Variants in MTA3 observed in about 807,000 individuals in gnomAD.
MTA3 encodes metastasis-associated protein MTA3.
Under a neutral mutation model 83.5 loss-of-function variants are expected in MTA3, and 34 were observed. The ratio of observed to expected loss-of-function variants is 0.41; its 90% CI spans 0.31 to 0.54. MTA3 has a LOEUF of 0.54. Among genes scored for constraint, MTA3 ranks in the 20% least tolerant of loss-of-function variants. The pLI, the probability that MTA3 is intolerant of heterozygous loss-of-function variation, is 0.33. For synonymous variants in MTA3, 303 were observed against 252.7 expected, an observed-to-expected ratio of 1.20 and a Z score of -1.89; for missense variants, 761 against 726.4, an observed-to-expected ratio of 1.05 and a Z score of -0.55.
At chr2:42,736,338 C>G (rs991935573) in intron 16 of MTA3, among the ~76,000 whole-genome samples, 1 of 152,180 alleles carries the variant, frequency 6.6e-6, no homozygotes, top group African/African-American at 2.4e-5. Flanking sequence ...GATGATGACA[C>G]AAGCACCCCT....
intron 2 of MTA3, among the ~76,000 whole-genome samples, chr2:42,531,492 G>C (rs1284680529): frequency 2.7e-5 from 3 of 110,544 alleles, no homozygotes; most frequent in South Asian, 3.0e-4. Flanking sequence ...TTGCTCTATC[G>C]CCCAGGCTAG....
At chr2:42,659,741 A>T in intron 7 of MTA3, 22 bp from the exon 8 acceptor site, 1 of 1,483,152 alleles carries the variant, frequency 6.7e-7, no homozygotes, top group Non-Finnish European at 9.0e-7. Flanking sequence ...ATTCTTCCTT[A>T]TTGTGTTTGT....
intron 9 of MTA3, among the ~76,000 whole-genome samples, chr2:42,690,856 T>TTTTATTTTATTTA (rs1553385669): frequency 7.3e-6 from 1 of 136,112 alleles, no homozygotes; most frequent in Non-Finnish European, 1.6e-5. Context: ...TGTATTTTTA[T>TTTTATTTTATTTA]TTTATTTATT....
chr2:42,662,201 A>T (rs1689786650), intron 8 of MTA3, among the ~76,000 whole-genome samples: 2 of 152,066 alleles, frequency 1.3e-5, no homozygotes, highest in Admixed American at 1.3e-4. Context: ...GTTACCAGGG[A>T]ACATCTGGAG....
chr2:42,595,191 G>C (rs1207150117), intron 3 of MTA3, among the ~76,000 whole-genome samples: 1 of 136,350 alleles, frequency 7.3e-6, no homozygotes, highest in Non-Finnish European at 1.5e-5. Flanking sequence ...CTCACTGCAA[G>C]CTCCACTTCC....
intron 2 of MTA3, among the ~76,000 whole-genome samples, chr2:42,578,721 G>A (rs991645439): frequency 3.3e-5 from 5 of 152,108 alleles, no homozygotes; most frequent in African/African-American, 1.2e-4. Context: ...AATTATTTCC[G>A]TCAGTTGTGG....
intron 3 of MTA3, among the ~76,000 whole-genome samples, chr2:42,597,286 A>C (rs1433860857): frequency 6.6e-6 from 1 of 151,884 alleles, no homozygotes; most frequent in Non-Finnish European, 1.5e-5. Flanking sequence ...GCTGGTCTCA[A>C]AGTACTGGTT....
intron 6 of MTA3, among the ~76,000 whole-genome samples, chr2:42,646,847 TTG>T (rs1370819702): frequency 6.6e-6 from 1 of 151,792 alleles, no homozygotes; most frequent in East Asian, 1.9e-4. Context: ...TTTGAGAGGG[TTG>T]TCTCTGTTTT....
At chr2:42,617,794 A>T (rs1685082193) in intron 4 of MTA3, among the ~76,000 whole-genome samples, 1 of 151,838 alleles carries the variant, frequency 6.6e-6, no homozygotes, top group Non-Finnish European at 1.5e-5. Flanking sequence ...TAAAAAAAAA[A>T]ATGCGTAAAA....
intron 16 of MTA3, among the ~76,000 whole-genome samples, chr2:42,733,244 A>G (rs1015339462): frequency 6.6e-6 from 1 of 152,232 alleles, no homozygotes; most frequent in Non-Finnish European, 1.5e-5. Context: ...CCTCAGAATC[A>G]TGGCAGGAGG....
chr2:42,540,969 A>C (rs1572950547), intron 2 of MTA3, among the ~76,000 whole-genome samples: 1 of 152,178 alleles, frequency 6.6e-6, no homozygotes, highest in South Asian at 2.1e-4. Context: ...GGTTCAACTT[A>C]AGATTTTTCG....
intron 6 of MTA3, among the ~76,000 whole-genome samples, chr2:42,644,843 C>G (rs764932046): frequency 6.6e-6 from 1 of 152,154 alleles, no homozygotes; most frequent in Non-Finnish European, 1.5e-5. Context: ...GCTGTGTGTT[C>G]TGAGTGCTCC....
intron 16 of MTA3, among the ~76,000 whole-genome samples, chr2:42,726,822 C>A (rs1360323937): frequency 1.3e-5 from 2 of 152,156 alleles, no homozygotes; most frequent in Non-Finnish European, 2.9e-5. Flanking sequence ...TCTGTATGCT[C>A]TATTAAGGAA....
chr2:42,709,328 A>C lies in MTA3; in HGVS notation c.1525+232A>C, dbSNP rs1368170400. Reference sequence around the variant, plus strand: ...ACTTCTGTACTCTTTACCAGAGAGTAGTGCTTAGCAAAAGATTGGTGGGAG... The same window carrying C: ...ACTTCTGTACTCTTTACCAGAGAGTCGTGCTTAGCAAAAGATTGGTGGGAG... On this transcript the variant is annotated intron_variant, in intron 14 of 16. Coordinates refer to ENST00000405094, the MANE Select transcript of MTA3 (RefSeq NM_001330442.2). The C allele has an allele frequency of 5.2e-6, 7 of 1,335,466 alleles. No individual in the cohort carries two copies. The East Asian group carries it at 1.9e-4, about 36-fold the overall frequency. The allele number at this position is 1,335,466 out of a possible 1,614,324, so 82.7% of individuals were successfully genotyped here. A position where few individuals can be genotyped will look rare whatever the true frequency, so the allele number is the denominator to read the frequency against.
rs145062200 is a variant in MTA3 at position 42,694,365 on chromosome 2, C to T, written c.892-1400C>T. Among the ~76,000 whole-genome samples the T allele has an allele frequency of 3.2e-3, 494 of 152,210 alleles. 2 individuals are homozygous for T. Among genetic ancestry groups the T allele is most frequent in the African/African-American group, 0.011 (444 of 41,510 alleles). On this transcript the variant is annotated intron_variant, in intron 9 of 16. Coordinates refer to ENST00000405094, the MANE Select transcript of MTA3 (RefSeq NM_001330442.2). ...AGTCCTTGTGTACCTAGGCTGTCTTCTAAGTTTACGTAGGTCCTCAGAGCA... is the reference window on the plus strand; with the variant it reads ...AGTCCTTGTGTACCTAGGCTGTCTTTTAAGTTTACGTAGGTCCTCAGAGCA...
At chr2:42,588,226 A>T (rs932695388) in intron 3 of MTA3, among the ~76,000 whole-genome samples, 6 of 152,148 alleles carry the variant, frequency 3.9e-5, no homozygotes, top group African/African-American at 1.2e-4. Context: ...CTCATGTTTG[A>T]TTTATATACA....
At chr2:42,558,112 G>A (rs1039289766) in intron 2 of MTA3, among the ~76,000 whole-genome samples, 2 of 151,952 alleles carry the variant, frequency 1.3e-5, no homozygotes, top group Non-Finnish European at 2.9e-5. Flanking sequence ...TGGCTTTTGG[G>A]ACCGGTACTT....
intron 6 of MTA3, among the ~76,000 whole-genome samples, chr2:42,644,900 A>T (rs1205141056): frequency 2.6e-5 from 4 of 152,088 alleles, no homozygotes; most frequent in African/African-American, 7.2e-5. Flanking sequence ...GGGTCTCCCT[A>T]TTTTATGAGA....
At chr2:42,587,749 G>A (rs1340845449) in intron 3 of MTA3, among the ~76,000 whole-genome samples, 1 of 151,940 alleles carries the variant, frequency 6.6e-6, no homozygotes, top group African/African-American at 2.4e-5. Context: ...TCACAGGCGT[G>A]CCCCACCACA....
Sources: gnomAD v4.1 joint callset for allele counts (sites outside exome capture counted in the v4.1 genomes callset) on GRCh38, gnomAD v4.1.1 for gene constraint, MANE v1.5 for transcripts, NCBI Gene and HGNC (gene_info 2026-07-23, HGNC 2026-07-21) for gene names.